Variants in CELF2 observed in about 807,000 individuals in gnomAD.
CELF2 encodes CUGBP Elav-like family member 2, also known as CUG triplet repeat RNA-binding protein 2.
CELF2 carries 8 observed loss-of-function variants against 62.6 expected under a neutral mutation model. That is an observed-to-expected ratio of 0.13 (90% confidence interval 0.07 to 0.23). The LOEUF is 0.23. Among genes scored for constraint, CELF2 ranks in the 10% least tolerant of loss-of-function variants. CELF2 has a pLI of 1.00. For missense variants in CELF2, 333 were observed against 671.0 expected (o/e 0.50, Z 5.56); for synonymous variants, 258 against 250.0 (o/e 1.03, Z -0.30).
chr10:10,608,772 G>A, the CELF2 span, among the ~76,000 whole-genome samples: 40 of 152,190 alleles, frequency 2.6e-4, no homozygotes, highest in South Asian at 4.2e-4. Flanking sequence ...CTTCTACTCC[G>A]CCACATATCT....
chr10:10,649,247 A>G, the CELF2 span, among the ~76,000 whole-genome samples: 1 of 152,182 alleles, frequency 6.6e-6, no homozygotes, highest in Non-Finnish European at 1.5e-5. Context: ...AGGCAACAAC[A>G]TTTTCTGAAT....
the CELF2 span, among the ~76,000 whole-genome samples, chr10:10,682,472 A>G: frequency 6.6e-6 from 1 of 152,206 alleles, no homozygotes; most frequent in Non-Finnish European, 1.5e-5. Flanking sequence ...AGAGCTACAC[A>G]AAGGAGTGAT....
At chr10:10,551,692 A>G in the CELF2 span, among the ~76,000 whole-genome samples, 15 of 152,098 alleles carry the variant, frequency 9.9e-5, no homozygotes, top group African/African-American at 3.6e-4. Flanking sequence ...CGTGGTCCTT[A>G]AGCAGTCAGT....
the CELF2 span, among the ~76,000 whole-genome samples, chr10:10,664,769 G>T: frequency 6.6e-6 from 1 of 152,108 alleles, no homozygotes; most frequent in Non-Finnish European, 1.5e-5. Context: ...GTGGTTTAGG[G>T]GAATCTATCT....
chr10:11,249,102 A>G, intron 3 of CELF2, 51 bp from the exon 4 acceptor site: 2 of 1,458,286 alleles, frequency 1.4e-6, no homozygotes, highest in Non-Finnish European at 1.9e-6. Context: ...TTCTGAGATG[A>G]TTTTTACAGT....
At chr10:10,531,999 C>T in the CELF2 span, among the ~76,000 whole-genome samples, 1 of 152,174 alleles carries the variant, frequency 6.6e-6, no homozygotes, top group Non-Finnish European at 1.5e-5. Context: ...TGACTGGGTG[C>T]TCAGACAGCC....
intron 1 of CELF2, among the ~76,000 whole-genome samples, chr10:10,821,018 G>A (rs973141209): frequency 6.6e-6 from 1 of 152,230 alleles, no homozygotes; most frequent in Non-Finnish European, 1.5e-5. Context: ...AAAGTGGATA[G>A]ATTCAAATGA....
the CELF2 span, among the ~76,000 whole-genome samples, chr10:10,777,181 C>T: frequency 5.3e-5 from 8 of 152,100 alleles, no homozygotes; most frequent in African/African-American, 1.9e-4. Context: ...ACCAGAAAAC[C>T]CTCTTCCACT....
chr10:10,803,777 T>C (rs2054916744), intron 1 of CELF2, among the ~76,000 whole-genome samples: 1 of 152,236 alleles, frequency 6.6e-6, no homozygotes, highest in African/African-American at 2.4e-5. Flanking sequence ...TGTATTTAAC[T>C]GTTACATACC....
At chr10:10,696,525 C>T in the CELF2 span, among the ~76,000 whole-genome samples, 33 of 151,846 alleles carry the variant, frequency 2.2e-4, no homozygotes, top group East Asian at 3.9e-4. Flanking sequence ...CTGTGGTGGG[C>T]TCCACCCAGT....
intron 2 of CELF2, among the ~76,000 whole-genome samples, chr10:10,976,409 A>G (rs1025945526): frequency 6.6e-6 from 1 of 152,156 alleles, no homozygotes; most frequent in Non-Finnish European, 1.5e-5. Flanking sequence ...TTGTAGACAG[A>G]GTCGTTATCT....
At chr10:11,143,954 T>A (rs866302922) in intron 1 of CELF2, among the ~76,000 whole-genome samples, 76 of 152,216 alleles carry the variant, frequency 5.0e-4, no homozygotes, top group African/African-American at 1.7e-3. Context: ...TATTGTATAT[T>A]CCCAGCACTG....
At chr10:10,768,577 CT>C in the CELF2 span, among the ~76,000 whole-genome samples, 14,867 of 138,268 alleles carry the variant, frequency 0.11, 1,218 homozygotes, top group African/African-American at 0.23. Flanking sequence ...TTTTCTTTTT[CT>C]TTTTTTTTTT....
the CELF2 span, among the ~76,000 whole-genome samples, chr10:10,710,883 C>G: frequency 6.6e-6 from 1 of 152,148 alleles, no homozygotes; most frequent in Non-Finnish European, 1.5e-5. Flanking sequence ...AATGGCCTAA[C>G]AGAAAAATAA....
chr10:10,897,340 C>T (rs979717598), intron 1 of CELF2, among the ~76,000 whole-genome samples: 15 of 151,722 alleles, frequency 9.9e-5, no homozygotes, highest in South Asian at 4.2e-4. Context: ...TTGTAGGGTC[C>T]GGTGGAAAGT....
chr10:11,302,825 G>T lies in CELF2; in HGVS notation c.977-11314G>T, dbSNP rs2093892622. ...ACATTGTTCCGCTGTGCTGCGGACA[G>T]TGGAAGTTGGAGCCTTCACCAGAGT... is the stretch of plus-strand genomic sequence containing the variant. On this transcript the variant is annotated intron_variant, in intron 9 of 12. Coordinates refer to ENST00000633077, the MANE Select transcript of CELF2 (RefSeq NM_001326342.2). The surrounding 1 kb of genome is among the most constrained non-coding windows in gnomAD (Gnocchi z 5.0). Among the ~76,000 whole-genome samples the T allele has an allele frequency of 6.6e-6, 1 of 152,222 alleles. No homozygotes were observed. The highest frequency in any genetic ancestry group is 2.4e-5 in the African/African-American group (1 of 41,454).
rs75850670 is a variant in CELF2 at position 11,315,080 on chromosome 10, A to C, written c.1096+822A>C. On this transcript the variant is annotated intron_variant, in intron 10 of 12. Coordinates refer to ENST00000633077, the MANE Select transcript of CELF2 (RefSeq NM_001326342.2). This position sits in a 1 kb window ranked among gnomAD's most constrained non-coding sequence, Gnocchi z 5.8. ...TGTCATTCTCGGTTGATGGGGGAGC[A>C]GTGTGCCGGCCAGAGGATAAGTCGT... 4.6e-3 allele frequency among the ~76,000 whole-genome samples: 707 copies of C among 152,272 alleles called. 8 individuals carry two copies. Among genetic ancestry groups the C allele is most frequent in the East Asian group, 0.045 (232 of 5,180 alleles).
chr10:10,846,168 A>G, intron 1 of CELF2: 1 of 956,234 alleles, frequency 1.0e-6, no homozygotes, highest in Non-Finnish European at 1.2e-6. Context: ...TAAGGAATCC[A>G]TTCCTTCCTC....
the CELF2 span, among the ~76,000 whole-genome samples, chr10:10,485,883 A>G: frequency 5.4e-3 from 829 of 152,320 alleles, 12 homozygotes; most frequent in East Asian, 0.04. Flanking sequence ...ACTGACAATT[A>G]CAATGTGGAG....
Sources: allele counts gnomAD v4.1 joint callset (sites outside exome capture counted in the v4.1 genomes callset), GRCh38; gene constraint gnomAD v4.1.1; non-coding constraint Gnocchi (gnomAD v3.1); transcripts MANE v1.5; gene names NCBI Gene and HGNC (gene_info 2026-07-23, HGNC 2026-07-21).